Variants in PXDNL observed in about 807,000 individuals in gnomAD.
PXDNL encodes the protein peroxidasin like, also known as probable oxidoreductase PXDNL.
A neutral mutation model predicts 150.8 loss-of-function variants in PXDNL; 145 were observed. That is an observed-to-expected ratio of 0.96 (90% CI 0.84 to 1.10). The LOEUF is 1.10. Ranked by LOEUF, PXDNL falls within the 50% of genes least tolerant of loss-of-function variation. The pLI is 0.00. For synonymous variants in PXDNL, 757 were observed against 725.7 expected (o/e 1.04, Z -0.69); for missense variants, 2,087 against 1,873.9 (o/e 1.11, Z -2.10).
intron 19 of PXDNL, among the ~76,000 whole-genome samples, chr8:51,359,560 G>GA (rs57133329): frequency 4.0e-5 from 6 of 151,300 alleles, no homozygotes; most frequent in Non-Finnish European, 5.9e-5. Flanking sequence ...GTTTCAGAAG[G>GA]AAAAAAAAAT....
chr8:51,472,371 A>G, intron 7 of PXDNL, 67 bp from the exon 8 acceptor site: 1 of 1,180,602 alleles, frequency 8.5e-7, no homozygotes, highest in Non-Finnish European at 1.3e-6. Flanking sequence ...AGATGCTGAG[A>G]AAGAGATATA....
At chr8:51,359,688 A>T (rs1042855387) in intron 19 of PXDNL, among the ~76,000 whole-genome samples, 1 of 152,188 alleles carries the variant, frequency 6.6e-6, no homozygotes, top group African/African-American at 2.4e-5. Flanking sequence ...TTGACACTGG[A>T]TTGATAAGGA....
chr8:51,453,456 T>C, intron 10 of PXDNL, 63 bp downstream of exon 10: 1 of 1,519,058 alleles, frequency 6.6e-7, no homozygotes, highest in Non-Finnish European at 9.1e-7. Context: ...TTATTTAAGT[T>C]GAAAAATAAT....
intron 17 of PXDNL, among the ~76,000 whole-genome samples, chr8:51,378,477 A>T: frequency 6.6e-6 from 1 of 152,246 alleles, no homozygotes; most frequent in East Asian, 1.9e-4. Context: ...AGCTCTCTGT[A>T]AAATGGACCA....
chr8:51,365,981 T>A (rs2915493), intron 19 of PXDNL, among the ~76,000 whole-genome samples: 113,933 of 152,096 alleles, frequency 0.75, 43,993 homozygotes, highest in East Asian at 0.94. Context: ...TCTCCCCCTG[T>A]GAACAGTAGA....
chr8:51,360,622 G>T (rs1279409780), intron 19 of PXDNL, among the ~76,000 whole-genome samples: 1 of 152,184 alleles, frequency 6.6e-6, no homozygotes, highest in Non-Finnish European at 1.5e-5. Context: ...TTAGACCAAA[G>T]CTACTTCCTT....
chr8:51,808,337 CTTCTT>C (rs915682374), intron 1 of PXDNL, among the ~76,000 whole-genome samples: 25 of 152,174 alleles, frequency 1.6e-4, no homozygotes, highest in African/African-American at 4.8e-4. Context: ...TTTTCCTTTT[CTTCTT>C]TTATTTTTTC....
In PXDNL at chr8:51,409,208, A is replaced by C; in HGVS notation, c.2416T>G (p.Trp806Gly). ...DHSYTRMLMH[W>G]GWFLEHDLDH... ...AAGTCGTGCTCTAGAAACCAGCCCC[A>C]GTGCATGAGCATGCGCGTGTAGCTG... Residue 806 changes from tryptophan (W) to glycine (G), a missense_variant, in exon 17 of 23, where the codon TGG (tryptophan) becomes GGG (glycine). Coordinates refer to ENST00000356297, the MANE Select transcript of PXDNL (RefSeq NM_144651.5). 1 of 1,581,718 alleles carries C rather than the reference A, an allele frequency of 6.3e-7. No individual in the cohort carries two copies. Among genetic ancestry groups the C allele is most frequent in the Non-Finnish European group, 8.6e-7 (1 of 1,169,104 alleles).
At chr8:51,772,944 A>G (rs907249298) in intron 1 of PXDNL, among the ~76,000 whole-genome samples, 1 of 152,230 alleles carries the variant, frequency 6.6e-6, no homozygotes, top group Admixed American at 6.5e-5. Context: ...TGTGCCTGCT[A>G]TGGTTCCAGG....
At chr8:51,647,764 C>T (rs1458797565) in intron 2 of PXDNL, among the ~76,000 whole-genome samples, 2 of 152,122 alleles carry the variant, frequency 1.3e-5, no homozygotes, top group Non-Finnish European at 2.9e-5. Flanking sequence ...CATGATAGTG[C>T]TTCATGGGCT....
chr8:51,563,637 T>G (rs377024113), intron 3 of PXDNL, among the ~76,000 whole-genome samples: 1 of 152,028 alleles, frequency 6.6e-6, no homozygotes, highest in African/African-American at 2.4e-5. Flanking sequence ...CAAGATGTTT[T>G]CTGCCATTAT....
At chr8:51,513,267 C>G (rs949022127) in intron 4 of PXDNL, among the ~76,000 whole-genome samples, 2 of 152,054 alleles carry the variant, frequency 1.3e-5, no homozygotes, top group African/African-American at 4.8e-5. Flanking sequence ...GGCAGGGCCT[C>G]GGCATAAACA....
intron 19 of PXDNL, among the ~76,000 whole-genome samples, chr8:51,348,357 C>T (rs1806225772): frequency 6.6e-6 from 1 of 152,172 alleles, no homozygotes; most frequent in Non-Finnish European, 1.5e-5. Flanking sequence ...TATAACACTG[C>T]AGGTATACAC....
At chr8:51,721,641 A>C (rs1406377081) in intron 1 of PXDNL, 1 of 401,072 alleles carries the variant, frequency 2.5e-6, no homozygotes, top group African/African-American at 2.1e-5. Context: ...AATAATAATA[A>C]AATTAAAAAA....
intron 1 of PXDNL, among the ~76,000 whole-genome samples, chr8:51,789,288 T>C (rs532090208): frequency 6.6e-6 from 1 of 152,038 alleles, no homozygotes. Flanking sequence ...TATAAGAATA[T>C]TTCTAGAAAA....
At chr8:51,634,529 G>T (rs889311870) in intron 2 of PXDNL, among the ~76,000 whole-genome samples, 2 of 152,114 alleles carry the variant, frequency 1.3e-5, no homozygotes, top group Non-Finnish European at 2.9e-5. Flanking sequence ...GACATCCGTA[G>T]TTTGATAGGA....
At chr8:51,379,973 T>C (rs538121728) in intron 17 of PXDNL, among the ~76,000 whole-genome samples, 1 of 152,278 alleles carries the variant, frequency 6.6e-6, no homozygotes, top group East Asian at 1.9e-4. Context: ...TGAGCCCTTT[T>C]TCTTGTGGCT....
At chr8:51,769,815 T>A (rs1361915257) in intron 1 of PXDNL, among the ~76,000 whole-genome samples, 1 of 152,190 alleles carries the variant, frequency 6.6e-6, no homozygotes, top group Non-Finnish European at 1.5e-5. Flanking sequence ...AGACGGTATC[T>A]CTGATGCATA....
chr8:51,809,227 A>G lies in PXDNL; in HGVS notation c.118T>C (p.Leu40=). The G allele has an allele frequency of 6.2e-7, 1 of 1,613,566 alleles. No homozygotes were observed. The change falls in exon 1 of 23, where the codon TTG becomes CTG. Residue 40 remains leucine (L), a synonymous_variant. Transcript: ENST00000356297. ...CFKSTVRCMH[L]MLDHIPQVPQ... is the part of the protein sequence containing the mutation. ...ACCTGAGGAATGTGGTCCAGCATCA[A>G]GTGCATGCAGCGGACGGTGCTCTTA...
Sources: gnomAD v4.1 joint callset for allele counts (sites outside exome capture counted in the v4.1 genomes callset) on GRCh38, gnomAD v4.1.1 for gene constraint, MANE v1.5 for transcripts, NCBI Gene and HGNC (gene_info 2026-07-23, HGNC 2026-07-21) for gene names.